Variants in EDA observed in about 807,000 individuals in gnomAD.
The protein encoded by EDA is ectodysplasin-A.
In EDA, 2 loss-of-function variants were observed where a neutral mutation model predicts 23.6. That is an observed-to-expected ratio of 0.08 (90% confidence interval 0.03 to 0.27). The LOEUF (loss-of-function observed/expected upper bound fraction) is 0.27, where lower values mean the gene tolerates loss of function less well. Among genes scored for constraint, EDA ranks in the 10% least tolerant of loss-of-function variants. EDA has a pLI of 1.00. For missense variants in EDA, 229 were observed against 324.2 expected, an observed-to-expected ratio of 0.71 and a Z score of 2.26; for synonymous variants, 131 against 132.0, an observed-to-expected ratio of 0.99 and a Z score of 0.05.
intron 1 of EDA, among the ~76,000 whole-genome samples, chrX:69,901,095 A>G (rs1379878437): frequency 8.9e-6 from 1 of 112,004 alleles, no homozygotes; most frequent in African/African-American, 3.2e-5. Context: ...CTATTAAGAA[A>G]TGAAGGAGAT....
chrX:69,917,643 A>G (rs190601349), intron 1 of EDA, among the ~76,000 whole-genome samples: 23 of 111,887 alleles, frequency 2.1e-4, no homozygotes, highest in Admixed American at 1.5e-3. Flanking sequence ...GAGGAAGAAA[A>G]TTGACTAAAA....
intron 1 of EDA, among the ~76,000 whole-genome samples, chrX:69,759,627 C>T (rs917562415): frequency 1.8e-5 from 2 of 111,340 alleles, no homozygotes; most frequent in African/African-American, 6.5e-5. Context: ...CTCTGAGGAG[C>T]TTACAGTCTA....
chrX:69,640,710 G>A (rs780765616), intron 1 of EDA, among the ~76,000 whole-genome samples: 7 of 110,998 alleles, frequency 6.3e-5, no homozygotes, highest in Non-Finnish European at 1.3e-4. Context: ...AAGGAGAGCA[G>A]ATATTTAGGC....
intron 1 of EDA, among the ~76,000 whole-genome samples, chrX:69,670,996 G>T (rs778902958): frequency 9.0e-5 from 10 of 110,873 alleles, no homozygotes; most frequent in Non-Finnish European, 1.5e-4. Flanking sequence ...CATGTTTTTT[G>T]TGTGTGTCCC....
At chrX:69,672,722 A>C (rs1933942264) in intron 1 of EDA, 1 of 110,551 alleles carries the variant, frequency 9.0e-6, no homozygotes. Flanking sequence ...TCTACTAAAA[A>C]TTCAAAAAAA....
At chrX:69,925,588 A>T (rs1569374941) in intron 1 of EDA, among the ~76,000 whole-genome samples, 1 of 111,382 alleles carries the variant, frequency 9.0e-6, no homozygotes, top group Non-Finnish European at 1.9e-5. Context: ...ATCAATATTC[A>T]TCAGGAATAT....
intron 2 of EDA, among the ~76,000 whole-genome samples, chrX:69,976,698 G>C (rs58737838): frequency 1.9e-5 from 2 of 107,754 alleles, no homozygotes; most frequent in African/African-American, 6.8e-5. Context: ...AAACAAGGTG[G>C]ATCTATTTCT....
chrX:69,863,034 T>C, intron 1 of EDA, among the ~76,000 whole-genome samples: 1 of 79,565 alleles, frequency 1.3e-5, no homozygotes, highest in East Asian at 3.4e-4. Flanking sequence ...AATAGATCTT[T>C]ATTTTCTGAA....
intron 1 of EDA, among the ~76,000 whole-genome samples, chrX:69,947,975 C>T (rs994242325): frequency 1.8e-5 from 2 of 112,219 alleles, no homozygotes; most frequent in Non-Finnish European, 3.8e-5. Context: ...CCTTGATGTA[C>T]ATCTTAAATA....
chrX:70,018,492 G>A (rs150463257), intron 2 of EDA, among the ~76,000 whole-genome samples: 1,261 of 111,161 alleles, frequency 0.011, 18 homozygotes, highest in African/African-American at 0.039. Flanking sequence ...GGTACAGATC[G>A]AACAATGGAA....
intron 1 of EDA, among the ~76,000 whole-genome samples, chrX:69,749,185 G>A (rs939157932): frequency 6.3e-5 from 5 of 79,522 alleles, no homozygotes; most frequent in African/African-American, 9.4e-5. Context: ...GAGAATATGC[G>A]GTGTTTGGTT....
chrX:69,616,892 C>A (rs1260953504), intron 1 of EDA, 188 bp downstream of exon 1: 3 of 571,029 alleles, frequency 5.3e-6, no homozygotes, highest in Non-Finnish European at 8.3e-6. Flanking sequence ...CCCAGCTAAT[C>A]CAGACTCCCT....
At chrX:69,859,989 A>ATT (rs144702355) in intron 1 of EDA, among the ~76,000 whole-genome samples, 108 of 100,735 alleles carry the variant, frequency 1.1e-3, no homozygotes, top group East Asian at 1.6e-3. Context: ...CCTTCCTTGT[A>ATT]TTTTTTTTTT....
intron 1 of EDA, among the ~76,000 whole-genome samples, chrX:69,911,119 A>G (rs2018261153): frequency 8.9e-6 from 1 of 112,041 alleles, no homozygotes. Flanking sequence ...CAAGCATTTA[A>G]CTTGGCTGAA....
rs752736417 is a variant in EDA, at chrX:69,892,578, G to C, written c.397-64449G>C. 2.7e-5 allele frequency among the ~76,000 whole-genome samples: 3 copies of C among 112,188 alleles called. No homozygotes were observed. The East Asian group carries it at 8.4e-4, about 31-fold the overall frequency. Reference sequence around the variant, plus strand: ...GCTAGGATAAACCAATTGAAAAATAGATTAGAGCCACGAAGAACATTAGAG... The same window carrying C: ...GCTAGGATAAACCAATTGAAAAATACATTAGAGCCACGAAGAACATTAGAG... On this transcript the variant is annotated intron_variant, in intron 1 of 7. Coordinates refer to ENST00000374552, the MANE Select transcript of EDA (RefSeq NM_001399.5).
At chrX:69,704,863 A>G (rs1052233939) in intron 1 of EDA, among the ~76,000 whole-genome samples, 3 of 111,113 alleles carry the variant, frequency 2.7e-5, no homozygotes, top group African/African-American at 9.8e-5. Context: ...ATACCACCCT[A>G]AAATATGTAT....
intron 2 of EDA, among the ~76,000 whole-genome samples, chrX:69,979,971 A>G (rs1023762872): frequency 2.7e-5 from 3 of 109,872 alleles, no homozygotes; most frequent in Non-Finnish European, 5.7e-5. Context: ...TAGTGTTTCT[A>G]TTATAACTTA....
intron 1 of EDA, among the ~76,000 whole-genome samples, chrX:69,828,556 G>A (rs760448588): frequency 3.6e-5 from 4 of 111,927 alleles, no homozygotes; most frequent in South Asian, 3.7e-4. Context: ...CCCTTGCTTC[G>A]GCTCGCGCAC....
intron 4 of EDA, among the ~76,000 whole-genome samples, chrX:70,028,532 C>T (rs1303519291): frequency 8.9e-6 from 1 of 112,438 alleles, no homozygotes; most frequent in Non-Finnish European, 1.9e-5. Context: ...AAGTGCTTTT[C>T]CCATAGCAAG....
Sources: allele counts gnomAD v4.1 joint callset (sites outside exome capture counted in the v4.1 genomes callset), GRCh38; gene constraint gnomAD v4.1.1; transcripts MANE v1.5; gene names NCBI Gene and HGNC (gene_info 2026-07-23, HGNC 2026-07-21).